The following FBXL13 variants were observed in gnomAD, a reference collection of about 807,000 sequenced individuals.
FBXL13 encodes the protein F-box and leucine-rich repeat protein 13.
FBXL13 carries 67 observed loss-of-function variants against 83.6 expected under a neutral mutation model. The observed-to-expected ratio is 0.80, with a 90% CI of 0.66 to 0.98. FBXL13 has a LOEUF of 0.98. FBXL13 is among the 50% of genes least tolerant of loss of function. The probability of loss-of-function intolerance (pLI) is 0.00; values close to 1 mark genes in which losing one functional copy is unlikely to be tolerated. For synonymous variants in FBXL13, 272 were observed against 299.5 expected, an observed-to-expected ratio of 0.91 and a Z score of 0.95; for missense variants, 822 against 866.5, an observed-to-expected ratio of 0.95 and a Z score of 0.64.
chr7:102,817,149 G>A (rs961966557), intron 19 of FBXL13, among the ~76,000 whole-genome samples: 1 of 152,192 alleles, frequency 6.6e-6, no homozygotes, highest in Admixed American at 6.5e-5. Flanking sequence ...GGATGAAATG[G>A]TAATTCTATT....
chr7:102,881,255 G>A (rs919136459), intron 14 of FBXL13, among the ~76,000 whole-genome samples: 1 of 151,854 alleles, frequency 6.6e-6, no homozygotes, highest in Non-Finnish European at 1.5e-5. Flanking sequence ...AGACCAGCCT[G>A]GCCAACATGG....
chr7:103,043,525 C>T (rs1021164693), intron 2 of FBXL13, among the ~76,000 whole-genome samples: 2 of 152,152 alleles, frequency 1.3e-5, no homozygotes, highest in African/African-American at 4.8e-5. Context: ...CACATGCACA[C>T]GTATGTTTAT....
Position 102,949,697 on chromosome 7 carries a change from G to A in FBXL13, c.724+13836C>T, listed in dbSNP as rs530711265. 2.3e-4 allele frequency among the ~76,000 whole-genome samples: 35 copies of A among 152,252 alleles called. No individual in the cohort carries two copies. The South Asian group carries it at 4.4e-3, about 19-fold the overall frequency. The stretch of plus-strand genomic sequence containing the variant: ...AAGTACACTTCCAGAAAAATACTGC[G>A]TGAAATATATTTTAGTTACAAAATA... On this transcript the variant is annotated intron_variant, in intron 8 of 19. Coordinates refer to ENST00000313221, the Ensembl canonical transcript of FBXL13.
chr7:102,899,398 C>T (rs1469100713), intron 11 of FBXL13, among the ~76,000 whole-genome samples: 1 of 152,178 alleles, frequency 6.6e-6, no homozygotes, highest in Non-Finnish European at 1.5e-5. Context: ...TCAAACATAT[C>T]ATCTCTCCCT....
At chr7:103,044,376 T>C (rs1272907604) in intron 2 of FBXL13, among the ~76,000 whole-genome samples, 1 of 152,142 alleles carries the variant, frequency 6.6e-6, no homozygotes, top group Non-Finnish European at 1.5e-5. Flanking sequence ...TTTGAGACAA[T>C]CTGGGAAACT....
intron 10 of FBXL13, among the ~76,000 whole-genome samples, chr7:102,918,779 A>C (rs4457269): frequency 0.052 from 7,978 of 152,268 alleles, 280 homozygotes; most frequent in South Asian, 0.13. Context: ...AAAACAAAAC[A>C]AAAAAATGGC....
At chr7:102,892,445 T>A (rs1177010851) in intron 11 of FBXL13, among the ~76,000 whole-genome samples, 1 of 152,238 alleles carries the variant, frequency 6.6e-6, no homozygotes, top group African/African-American at 2.4e-5. Context: ...TTACAAGATA[T>A]ATAAAAATGT....
intron 16 of FBXL13, among the ~76,000 whole-genome samples, chr7:102,862,831 G>A (rs1807063559): frequency 6.6e-6 from 1 of 152,018 alleles, no homozygotes; most frequent in South Asian, 2.1e-4. Flanking sequence ...TACTTCTCTG[G>A]ATGTTCGTTT....
Position 102,844,461 on chromosome 7 carries a change from C to T in FBXL13, c.1719+10316G>A, listed in dbSNP as rs142152356. On this transcript the variant is annotated intron_variant, in intron 17 of 19. Coordinates refer to ENST00000313221, the Ensembl canonical transcript of FBXL13. Reference sequence around the variant, plus strand: ...AAACAGAGCTCCCTTAGCCTGCCTGCGGCTGCCACAAACCTAAAGATAGAG... The same window carrying T: ...AAACAGAGCTCCCTTAGCCTGCCTGTGGCTGCCACAAACCTAAAGATAGAG... Among the ~76,000 whole-genome samples the T allele has an allele frequency of 5.3e-5, 8 of 152,232 alleles. No homozygotes were observed. The East Asian group carries it at 1.3e-3, about 26-fold the overall frequency.
intron 8 of FBXL13, among the ~76,000 whole-genome samples, chr7:102,951,461 C>T (rs1585100547): frequency 6.7e-6 from 1 of 148,924 alleles, no homozygotes; most frequent in East Asian, 2.0e-4. Context: ...AACTTTTAAC[C>T]TGAAGAAACT....
intron 11 of FBXL13, among the ~76,000 whole-genome samples, chr7:102,890,144 T>C (rs1243770014): frequency 6.6e-6 from 1 of 152,200 alleles, no homozygotes; most frequent in African/African-American, 2.4e-5. Context: ...CCCAGAATCT[T>C]TTAGGCCAAG....
At chr7:102,956,622 C>T (rs969182069) in intron 8 of FBXL13, among the ~76,000 whole-genome samples, 27 of 152,196 alleles carry the variant, frequency 1.8e-4, no homozygotes, top group Admixed American at 1.1e-3. Flanking sequence ...CATGATTGTA[C>T]ATTTAGAAAA....
At chr7:103,039,576 G>T (rs1795444808) in intron 2 of FBXL13, among the ~76,000 whole-genome samples, 1 of 152,078 alleles carries the variant, frequency 6.6e-6, no homozygotes, top group South Asian at 2.1e-4. Context: ...CAGCCAGAGA[G>T]AAAGATTGGG....
chr7:102,825,254 G>A (rs1799424053), intron 18 of FBXL13, among the ~76,000 whole-genome samples: 1 of 152,110 alleles, frequency 6.6e-6, no homozygotes, highest in South Asian at 2.1e-4. Flanking sequence ...TGAGAGGTGG[G>A]GCCCTTAAGA....
chr7:102,899,788 A>G (rs536423547), intron 11 of FBXL13, among the ~76,000 whole-genome samples: 43 of 152,158 alleles, frequency 2.8e-4, no homozygotes, highest in Admixed American at 8.5e-4. Flanking sequence ...CTAATCCCCA[A>G]AGAGGCTGGG....
At chr7:102,915,938 T>C (rs1198115516) in intron 10 of FBXL13, among the ~76,000 whole-genome samples, 1 of 152,134 alleles carries the variant, frequency 6.6e-6, no homozygotes, top group African/African-American at 2.4e-5. Context: ...CTGTAGTTTT[T>C]ACCTACATTT....
At chr7:103,060,391 C>T (rs1030129955) in intron 1 of FBXL13, among the ~76,000 whole-genome samples, 1 of 151,928 alleles carries the variant, frequency 6.6e-6, no homozygotes, top group African/African-American at 2.4e-5. Flanking sequence ...TTAATTATCA[C>T]CTTAATTAGA....
At position 103,020,093 on chromosome 7, in the gene FBXL13, G is replaced by A. The variant is rs904799998; in HGVS notation, c.495+4970C>T. Among the ~76,000 whole-genome samples, 5 of 152,116 alleles carry A rather than the reference G, an allele frequency of 3.3e-5. No individual in the cohort carries two copies. The East Asian group carries it at 5.8e-4, about 18-fold the overall frequency. Reference sequence around the variant, plus strand: ...ATCCTCAATAAAATACTGGCAAACCGAATCCAGCAGCATATCAAAAAGCTT... The same window carrying A: ...ATCCTCAATAAAATACTGGCAAACCAAATCCAGCAGCATATCAAAAAGCTT... On this transcript the variant is annotated intron_variant, in intron 6 of 19. Transcript: ENST00000313221.
intron 10 of FBXL13, among the ~76,000 whole-genome samples, chr7:102,920,577 C>G (rs1473178537): frequency 1.3e-5 from 2 of 152,036 alleles, no homozygotes; most frequent in East Asian, 3.9e-4. Flanking sequence ...TCTCAAACTC[C>G]TGGGCTCAAG....
Sources: allele counts gnomAD v4.1 joint callset (sites outside exome capture counted in the v4.1 genomes callset), GRCh38; gene constraint gnomAD v4.1.1; transcripts MANE v1.5; gene names NCBI Gene and HGNC (gene_info 2026-07-23, HGNC 2026-07-21).